The following GPT2 variants were observed in gnomAD, a reference collection of about 807,000 sequenced individuals.
GPT2 encodes the protein glutamic--pyruvic transaminase 2.
Under a neutral mutation model 56.9 loss-of-function variants are expected in GPT2, and 30 were observed. The observed-to-expected ratio is 0.53, with a 90% CI of 0.39 to 0.72. GPT2 has a LOEUF of 0.72. GPT2 is among the 30% of genes least tolerant of loss of function. The pLI, the probability that GPT2 is intolerant of heterozygous loss-of-function variation, is 0.00. For synonymous variants in GPT2, 271 were observed against 283.1 expected, an observed-to-expected ratio of 0.96 and a Z score of 0.43; for missense variants, 542 against 703.4, an observed-to-expected ratio of 0.77 and a Z score of 2.60.
rs778652804 is a variant in GPT2 at position 46,918,755 on chromosome 16, C to T, written c.1035C>T (p.Gly345=). ...SFHSTSKGYM[G]ECGYRGGYME... is the part of the protein sequence containing the mutation. ...ACTCCACCTCCAAGGGCTACATGGGCGAGTACGTGGGCCTCCCTTCCCTCT... is the reference window on the plus strand; with the variant it reads ...ACTCCACCTCCAAGGGCTACATGGGTGAGTACGTGGGCCTCCCTTCCCTCT... Residue 345 remains glycine (G), a splice_region_variant and synonymous_variant, in exon 8 of 12, where the codon GGC becomes GGT. Coordinates refer to ENST00000340124, the MANE Select transcript of GPT2 (RefSeq NM_133443.4). 9 of 1,613,824 alleles carry T rather than the reference C, an allele frequency of 5.6e-6. No homozygotes were observed. The highest frequency in any genetic ancestry group is 2.2e-5 in the South Asian group (2 of 91,072).
chr16:46,928,708 C>T lies in GPT2; in HGVS notation c.1482-199C>T, dbSNP rs555060808. ...TGCTCCAGTTTATTGCTTTTGTTCA[C>T]GTGTATTACTTGGGTGAAAAAACCA... On this transcript the variant is annotated intron_variant, in intron 11 of 11. Coordinates refer to ENST00000340124, the MANE Select transcript of GPT2 (RefSeq NM_133443.4). Among the ~76,000 whole-genome samples the T allele has an allele frequency of 1.1e-4, 17 of 151,976 alleles. No homozygotes were observed. The South Asian group carries it at 2.1e-3, about 19-fold the overall frequency.
rs528370832 is a variant in GPT2, at chr16:46,919,278, C to T, written c.1037+521C>T. 1.2e-4 allele frequency among the ~76,000 whole-genome samples: 19 copies of T among 152,314 alleles called. No individual in the cohort carries two copies. The South Asian group carries it at 2.9e-3, about 23-fold the overall frequency. ...GATGCCGCAGCGAACACCCTCCTGC[C>T]GGCACAAAGCGTGGGTTCTAGTGAG... is the stretch of plus-strand genomic sequence containing the variant. On this transcript the variant is annotated intron_variant, in intron 8 of 11. Coordinates refer to ENST00000340124, the MANE Select transcript of GPT2 (RefSeq NM_133443.4).
At chr16:46,887,976 T>A (rs1047018879) in intron 2 of GPT2, among the ~76,000 whole-genome samples, 13 of 152,210 alleles carry the variant, frequency 8.5e-5, no homozygotes, top group Non-Finnish European at 1.8e-4. Context: ...GCTTTTCAGA[T>A]CCTGGTGTTC....
At chr16:46,885,160 A>G (rs933369956) in intron 2 of GPT2, 18 of 1,307,928 alleles carry the variant, frequency 1.4e-5, no homozygotes, top group African/African-American at 1.5e-5. Context: ...AGGCCTTGCA[A>G]TACGGTTCAC....
intron 4 of GPT2, among the ~76,000 whole-genome samples, chr16:46,902,772 C>T (rs931397311): frequency 1.4e-4 from 22 of 152,052 alleles, no homozygotes; most frequent in African/African-American, 4.3e-4. Context: ...ACTACAGGCA[C>T]GCGCCACCAC....
intron 4 of GPT2, among the ~76,000 whole-genome samples, chr16:46,904,260 G>A (rs1160474888): frequency 6.6e-6 from 1 of 152,162 alleles, no homozygotes; most frequent in Non-Finnish European, 1.5e-5. Context: ...CAAAATAACT[G>A]GAGGGGCCAG....
chr16:46,915,719 T>C (rs1207855831), intron 6 of GPT2: 1 of 122,116 alleles, frequency 8.2e-6, no homozygotes, highest in Non-Finnish European at 1.7e-5. Context: ...CACACACTCA[T>C]ACCCCCACCA....
At chr16:46,887,034 C>G (rs1205232909) in intron 2 of GPT2, among the ~76,000 whole-genome samples, 1 of 152,172 alleles carries the variant, frequency 6.6e-6, no homozygotes, top group East Asian at 1.9e-4. Flanking sequence ...GGGAGACAGC[C>G]TTGCTTCCCC....
intron 10 of GPT2, 70 bp from the exon 11 acceptor site, chr16:46,926,854 AT>A: frequency 9.9e-7 from 1 of 1,006,138 alleles, no homozygotes; most frequent in Non-Finnish European, 1.4e-6. Context: ...TTTAGATTAC[AT>A]TTGGCTTTGA....
Position 46,930,552 on chromosome 16 carries a change from A to T in GPT2, c.*1555A>T, listed in dbSNP as rs1457917162. 2.6e-5 allele frequency: 4 copies of T among 152,228 alleles called. No homozygotes were observed. The highest frequency in any genetic ancestry group is 7.2e-5 in the African/African-American group (3 of 41,446). The allele number at this position is 152,228 out of a possible 1,614,324, so 9.4% of individuals were successfully genotyped here. On this transcript the variant is annotated 3_prime_UTR_variant, in exon 12 of 12. Transcript: ENST00000340124. ...AAAGTAGCCACAATCTCAAATAACA[A>T]AAGGGAATGTTCTAAAACTTTTTCT...
intron 2 of GPT2, among the ~76,000 whole-genome samples, chr16:46,887,014 C>T (rs528143671): frequency 4.6e-5 from 7 of 152,312 alleles, no homozygotes; most frequent in Non-Finnish European, 1.0e-4. Flanking sequence ...CATTGAAACC[C>T]TTCCTTCTTG....
At chr16:46,904,387 A>G (rs546602802) in intron 4 of GPT2, among the ~76,000 whole-genome samples, 207 of 152,322 alleles carry the variant, frequency 1.4e-3, no homozygotes, top group African/African-American at 4.7e-3. Context: ...CACCAGCCTG[A>G]GCAACAAAGT....
intron 6 of GPT2, chr16:46,916,333 G>C (rs976424796): frequency 4.5e-6 from 1 of 222,172 alleles, no homozygotes; most frequent in Non-Finnish European, 9.2e-6. Flanking sequence ...GTGACAGAGC[G>C]AGACTCCGTC....
chr16:46,924,690 T>G (rs1428588772), intron 10 of GPT2, 146 bp downstream of exon 10: 2 of 822,656 alleles, frequency 2.4e-6, no homozygotes, highest in Non-Finnish European at 3.9e-6. Context: ...GTGTTGACCG[T>G]GTAAAGATGA....
At chr16:46,922,495 C>A in intron 9 of GPT2, 79 bp downstream of exon 9, 1 of 1,396,454 alleles carries the variant, frequency 7.2e-7, no homozygotes, top group South Asian at 1.4e-5. Flanking sequence ...CAGCCTGTCT[C>A]CAGGTGGCCA....
At chr16:46,920,946 T>C (rs760287279) in intron 8 of GPT2, among the ~76,000 whole-genome samples, 5 of 152,220 alleles carry the variant, frequency 3.3e-5, no homozygotes, top group Non-Finnish European at 7.3e-5. Context: ...CCCGGTGTTC[T>C]CAGATCTGGA....
chr16:46,919,334 G>C (rs1025528066), intron 8 of GPT2, among the ~76,000 whole-genome samples: 1 of 152,200 alleles, frequency 6.6e-6, no homozygotes, highest in Non-Finnish European at 1.5e-5. Flanking sequence ...TGAGTAAATC[G>C]TGCGTCCCAC....
At chr16:46,918,537 C>T (rs1961216782) in intron 7 of GPT2, 84 bp from the exon 8 acceptor site, 4 of 1,504,958 alleles carry the variant, frequency 2.7e-6, no homozygotes, top group Non-Finnish European at 3.6e-6. Context: ...GCCCACAGCA[C>T]CTGTGCCCTC....
At chr16:46,913,720 GATACTCTAT>G (rs1961088404) in intron 6 of GPT2, among the ~76,000 whole-genome samples, 1 of 152,056 alleles carries the variant, frequency 6.6e-6, no homozygotes, top group Non-Finnish European at 1.5e-5. Flanking sequence ...AAAAAGGTAA[GATACTCTAT>G]ATACTGTTTT....
Sources: allele counts gnomAD v4.1 joint callset (sites outside exome capture counted in the v4.1 genomes callset), GRCh38; gene constraint gnomAD v4.1.1; transcripts MANE v1.5; gene names NCBI Gene and HGNC (gene_info 2026-07-23, HGNC 2026-07-21).